Variants in RBFA observed in about 807,000 individuals in gnomAD.
The protein encoded by RBFA is ribosome binding factor A, also known as putative ribosome-binding factor A, mitochondrial.
In RBFA, 16 loss-of-function variants were observed where a neutral mutation model predicts 27.9. That is an observed-to-expected ratio of 0.57 (90% CI 0.39 to 0.87). The LOEUF is 0.87. Among genes scored for constraint, RBFA ranks in the 40% least tolerant of loss-of-function variants. RBFA has a pLI of 0.00. For synonymous variants in RBFA, 181 were observed against 181.0 expected, an observed-to-expected ratio of 1.00 and a Z score of 0.00; for missense variants, 456 against 432.1, an observed-to-expected ratio of 1.06 and a Z score of -0.49.
chr18:80,041,673 G>GCTGAGGTTT (rs1599768351), intron 4 of RBFA: 1 of 151,978 alleles, frequency 6.6e-6, no homozygotes, highest in African/African-American at 2.4e-5. Context: ...ACTCTTCTGG[G>GCTGAGGTTT]CTGAGGTTTT....
rs560907667 is a variant in RBFA at position 80,048,896 on chromosome 18, C to T, written c.*2741C>T. On this transcript the variant is annotated 3_prime_UTR_variant, in exon 7 of 7. Transcript: ENST00000306735. ...CCAACCAGGCGTCGGCTCAGTGCCT[C>T]CTAGAAAGTGGAGTGTGGGCACGTT... Among the ~76,000 whole-genome samples, 45 of 149,360 alleles carry T rather than the reference C, an allele frequency of 3.0e-4. No homozygotes were observed. The highest frequency in any genetic ancestry group is 1.0e-3 in the African/African-American group (41 of 39,822).
intron 4 of RBFA, chr18:80,041,448 T>C (rs2052015086): frequency 1.3e-5 from 2 of 152,168 alleles, no homozygotes; most frequent in Admixed American, 1.3e-4. Context: ...GTGTCTAATA[T>C]CTGGGAACCT....
rs1017344085 is a variant in RBFA at position 80,046,403 on chromosome 18, A to G, written c.*248A>G. ...AGATTCTCACAAAAAGAAAATGGTA[A>G]AATAGTGTCTCTGAGATGCTGGCAT... On this transcript the variant is annotated 3_prime_UTR_variant, in exon 7 of 7. Transcript: ENST00000306735. The G allele has an allele frequency of 6.0e-6, 3 of 503,346 alleles. No homozygotes were observed. The highest frequency in any genetic ancestry group is 1.1e-5 in the Non-Finnish European group (3 of 282,302). The allele number at this position is 503,346 out of a possible 1,614,324, so 31.2% of individuals were successfully genotyped here.
chr18:80,043,973 G>T (rs1168817487), intron 5 of RBFA, among the ~76,000 whole-genome samples: 1 of 152,228 alleles, frequency 6.6e-6, no homozygotes, highest in Non-Finnish European at 1.5e-5. Context: ...CTAAAATGTA[G>T]TTTTTAAAAA....
intron 1 of RBFA, 72 bp from the exon 2 acceptor site, chr18:80,036,596 A>C (rs2051980659): frequency 8.7e-7 from 1 of 1,147,148 alleles, no homozygotes; most frequent in Admixed American, 1.7e-5. Flanking sequence ...ATGGTATCAT[A>C]ACCTCTTAAA....
rs533354111 is a variant in RBFA at position 80,046,653 on chromosome 18, G to A, written c.*498G>A. Reference sequence around the variant, plus strand: ...TGGGGCTGCTGGGTCGGCACGTGGCGCCGGGGGCTCCGTCCCTGACTGGCC... The same window carrying A: ...TGGGGCTGCTGGGTCGGCACGTGGCACCGGGGGCTCCGTCCCTGACTGGCC... On this transcript the variant is annotated 3_prime_UTR_variant, in exon 7 of 7. Transcript: ENST00000306735. Among the ~76,000 whole-genome samples the A allele has an allele frequency of 4.6e-3, 706 of 152,260 alleles. 7 individuals carry two copies. The highest frequency in any genetic ancestry group is 0.016 in the African/African-American group (659 of 41,556).
At chr18:80,044,063 C>A in intron 5 of RBFA, 149 bp from the exon 6 acceptor site, 1 of 726,366 alleles carries the variant, frequency 1.4e-6, no homozygotes, top group Non-Finnish European at 2.6e-6. Context: ...CTGAACAGGT[C>A]CTAGTATTTG....
intron 2 of RBFA, among the ~76,000 whole-genome samples, chr18:80,037,033 T>G (rs912524187): frequency 6.6e-6 from 1 of 152,222 alleles, no homozygotes; most frequent in Admixed American, 6.5e-5. Flanking sequence ...TTCCAAAAAA[T>G]TACTGAATTA....
Position 80,048,336 on chromosome 18 carries a change from T to A in RBFA, c.*2181T>A, listed in dbSNP as rs1291827929. ...CTGCTCTGAGTGCTTTGTGTTAACC[T>A]GCCCCCCGCCCCCTAACTTGGGAAA... On this transcript the variant is annotated 3_prime_UTR_variant, in exon 7 of 7. Coordinates refer to ENST00000306735, the MANE Select transcript of RBFA (RefSeq NM_024805.3). 3 of 153,490 alleles carry A rather than the reference T, an allele frequency of 2.0e-5. No individual in the cohort carries two copies. The East Asian group carries it at 5.7e-4, about 29-fold the overall frequency. The allele number at this position is 153,490 out of a possible 1,614,324, so 9.5% of individuals were successfully genotyped here. A position where few individuals can be genotyped will look rare whatever the true frequency, so the allele number is the denominator to read the frequency against.
At chr18:80,040,534 T>C (rs951703921) in intron 4 of RBFA, among the ~76,000 whole-genome samples, 5 of 152,134 alleles carry the variant, frequency 3.3e-5, no homozygotes, top group African/African-American at 1.2e-4. Flanking sequence ...AGGCATGAGC[T>C]ACTGCGCTGG....
At position 80,046,661 on chromosome 18, in the gene RBFA, CTCCG is replaced by C. The variant is rs1435051324; in HGVS notation, c.*510_*513del. ...CTGGGTCGGCACGTGGCGCCGGGGG[CTCCG>C]TCCCTGACTGGCCTCTTCACAGCTT... On this transcript the variant is annotated 3_prime_UTR_variant, in exon 7 of 7. Transcript: ENST00000306735. Among the ~76,000 whole-genome samples, 1 of 152,194 alleles carries C rather than the reference CTCCG, an allele frequency of 6.6e-6. No individual in the cohort carries two copies. Among genetic ancestry groups the C allele is most frequent in the Non-Finnish European group, 1.5e-5 (1 of 68,030 alleles).
chr18:80,044,179 G>A (rs2052034857), intron 5 of RBFA, 33 bp from the exon 6 acceptor site: 1 of 1,589,616 alleles, frequency 6.3e-7, no homozygotes, highest in Non-Finnish European at 8.6e-7. Flanking sequence ...TGGGGATGTG[G>A]CTAACGGGTT....
chr18:80,035,965 C>T (rs2051976068), intron 1 of RBFA: 1 of 152,170 alleles, frequency 6.6e-6, no homozygotes. Context: ...ACTCCAGGCT[C>T]ATCTTGTGTG....
In RBFA at chr18:80,047,734, G is replaced by A. The variant is rs1375312318; in HGVS notation, c.*1579G>A. Reference sequence around the variant, plus strand: ...AGGGAGCCAGAAATTAGGTTACAAAGTGTACACCACACATAAAGGCTGATG... The same window carrying A: ...AGGGAGCCAGAAATTAGGTTACAAAATGTACACCACACATAAAGGCTGATG... On this transcript the variant is annotated 3_prime_UTR_variant, in exon 7 of 7. Transcript: ENST00000306735. Among the ~76,000 whole-genome samples the A allele has an allele frequency of 2.6e-5, 4 of 152,204 alleles. No individual in the cohort carries two copies. Among genetic ancestry groups the A allele is most frequent in the African/African-American group, 9.6e-5 (4 of 41,458 alleles).
In RBFA at chr18:80,034,510, G is replaced by T; in HGVS notation, c.15G>T (p.Ala5=). 1.9e-6 allele frequency: 3 copies of T among 1,571,202 alleles called. No individual in the cohort carries two copies. The highest frequency in any genetic ancestry group is 2.6e-6 in the Non-Finnish European group (3 of 1,165,542). The change falls in exon 1 of 7, where the codon GCG becomes GCT. Residue 5 remains alanine (A), a synonymous_variant. Coordinates refer to ENST00000306735, the MANE Select transcript of RBFA (RefSeq NM_024805.3). The part of the protein sequence containing the change: MWAA[A]GGLWRSRAGL... ...GGCGCCGCGCCATGTGGGCTGCGGC[G>T]GGCGGGCTGTGGCGCTCCCGCGCGG...
chr18:80,037,888 C>CA (rs56784827), intron 3 of RBFA, among the ~76,000 whole-genome samples: 21,635 of 145,424 alleles, frequency 0.15, 1,733 homozygotes, highest in East Asian at 0.29. Context: ...GACTCCATCT[C>CA]AAAAAAAAAA....
rs367873001 is a variant in RBFA at position 80,045,980 on chromosome 18, T to C, written c.857T>C (p.Leu286Pro). The C allele has an allele frequency of 4.2e-5, 67 of 1,614,144 alleles. No individual in the cohort carries two copies. The highest frequency in any genetic ancestry group is 5.0e-5 in the Non-Finnish European group (59 of 1,180,042). Residue 286 changes from leucine (L) to proline (P), a missense_variant, in exon 7 of 7, where the codon CTG (leucine) becomes CCG (proline). Leu to Pro is a moderately conservative substitution (Grantham distance 98, BLOSUM62 -3). Transcript: ENST00000306735. ...KKGRKRAKPR[L>P]EQDSSLKSYL... is the part of the protein sequence containing the mutation. The stretch of plus-strand genomic sequence containing the variant: ...GGAAGGAAGAGGGCCAAGCCCCGCC[T>C]GGAGCAGGACAGCTCCCTCAAGAGT...
Position 80,045,878 on chromosome 18 carries a change from A to G in RBFA, c.755A>G (p.Lys252Arg), listed in dbSNP as rs1433850462. The G allele has an allele frequency of 2.5e-6, 4 of 1,607,800 alleles. No homozygotes were observed. Among genetic ancestry groups the G allele is most frequent in the Non-Finnish European group, 3.4e-6 (4 of 1,177,100 alleles). ...CTCAACAAGCAGATTATGGAGTACA[A>G]AAGGAGGAAAGATAAAGGGCTCGGG... ...EALNKQIMEY[K>R]RRKDKGLGGL... is the part of the protein sequence containing the mutation. Residue 252 changes from lysine (K) to arginine (R), a missense_variant, in exon 7 of 7, where the codon AAA becomes AGA. Coordinates refer to ENST00000306735, the MANE Select transcript of RBFA (RefSeq NM_024805.3).
intron 4 of RBFA, 41 bp downstream of exon 4, chr18:80,038,658 A>G: frequency 7.0e-7 from 1 of 1,422,964 alleles, no homozygotes; most frequent in South Asian, 1.2e-5. Flanking sequence ...CTTTTTGCTC[A>G]TACCCTAAAT....
Sources: gnomAD v4.1 joint callset for allele counts (sites outside exome capture counted in the v4.1 genomes callset) on GRCh38, gnomAD v4.1.1 for gene constraint, MANE v1.5 for transcripts, NCBI Gene and HGNC (gene_info 2026-07-23, HGNC 2026-07-21) for gene names.